Variants in CHST9 observed in about 807,000 individuals in gnomAD.
CHST9 encodes carbohydrate sulfotransferase 9.
In CHST9, 41 loss-of-function variants were observed where a neutral mutation model predicts 44.4. The observed-to-expected ratio is 0.92, with a 90% CI of 0.72 to 1.20. The LOEUF is 1.20. Ranked by LOEUF, CHST9 falls within the 50% of genes most tolerant of loss-of-function variation. The pLI, the probability that CHST9 is intolerant of heterozygous loss-of-function variation, is 0.00. For missense variants in CHST9, 504 were observed against 516.5 expected (o/e 0.98, Z 0.23); for synonymous variants, 171 against 178.4 (o/e 0.96, Z 0.33).
intron 1 of CHST9, among the ~76,000 whole-genome samples, chr18:27,156,166 A>T (rs1695065341): frequency 6.6e-6 from 1 of 151,844 alleles, no homozygotes; most frequent in South Asian, 2.1e-4. Flanking sequence ...TGGCCAAAAA[A>T]AAAAACAGTG....
intron 2 of CHST9, among the ~76,000 whole-genome samples, chr18:27,110,700 C>A (rs2058263683): frequency 1.3e-5 from 2 of 152,164 alleles, no homozygotes; most frequent in South Asian, 4.1e-4. Context: ...AGCAGACATC[C>A]CCTCATGCTT....
At chr18:27,076,283 A>C (rs2057902656) in intron 2 of CHST9, among the ~76,000 whole-genome samples, 1 of 152,196 alleles carries the variant, frequency 6.6e-6, no homozygotes, top group Non-Finnish European at 1.5e-5. Context: ...AAGCAGTAGC[A>C]GTAACTCTAT....
Position 26,944,283 on chromosome 18 carries a change from T to A in CHST9, c.240+46A>T, listed in dbSNP as rs755286668. On this transcript the variant is annotated intron_variant, in intron 5 of 5. Transcript: ENST00000618847. ...TTATATTTACACATGTTTATTAACA[T>A]TGAAACAAAATTCTATATTAGAGTT... 11 of 1,465,030 alleles carry A rather than the reference T, an allele frequency of 7.5e-6. No individual in the cohort carries two copies. In the African/African-American group the frequency reaches 1.1e-4, roughly 15 times the overall value. The allele number at this position is 1,465,030 out of a possible 1,614,324, so 90.8% of individuals were successfully genotyped here.
chr18:27,120,834 G>C (rs2058368293), intron 2 of CHST9, among the ~76,000 whole-genome samples: 1 of 152,144 alleles, frequency 6.6e-6, no homozygotes, highest in Admixed American at 6.5e-5. Context: ...AGTTCTAAAG[G>C]CCTTAGGAAC....
At chr18:27,057,673 G>A (rs976298198) in intron 2 of CHST9, among the ~76,000 whole-genome samples, 1 of 152,196 alleles carries the variant, frequency 6.6e-6, no homozygotes, top group African/African-American at 2.4e-5. Context: ...GAAACATATC[G>A]ATACAGATAG....
intron 5 of CHST9, among the ~76,000 whole-genome samples, chr18:26,923,954 C>T (rs438815): frequency 5.5e-4 from 83 of 152,168 alleles, no homozygotes; most frequent in African/African-American, 1.9e-3. Flanking sequence ...ATCCTGACAT[C>T]GAGTCTGCTT....
At chr18:27,090,859 T>C (rs1481957461) in intron 2 of CHST9, among the ~76,000 whole-genome samples, 1 of 152,218 alleles carries the variant, frequency 6.6e-6, no homozygotes, top group Non-Finnish European at 1.5e-5. Context: ...TCTTGTATTA[T>C]AGTTTGAAGT....
chr18:27,026,997 T>G (rs1264875421), intron 3 of CHST9, among the ~76,000 whole-genome samples: 1 of 152,228 alleles, frequency 6.6e-6, no homozygotes. Context: ...TGAATAGGTC[T>G]AGAGCTTTGA....
chr18:27,060,186 C>T (rs1428964322), intron 2 of CHST9, among the ~76,000 whole-genome samples: 1 of 152,094 alleles, frequency 6.6e-6, no homozygotes, highest in Non-Finnish European at 1.5e-5. Flanking sequence ...AAAAAGTAAA[C>T]AAGAAATTCA....
rs572496193 is a variant in CHST9, at chr18:27,079,175, G to A, written c.122-30672C>T. ...ATTGTCCACCAATATTTACTAAAAG[G>A]GATTATGGACTTTCTTCTTTGAAAA... On this transcript the variant is annotated intron_variant, in intron 2 of 5. Coordinates refer to ENST00000618847, the MANE Select transcript of CHST9 (RefSeq NM_031422.6). Among the ~76,000 whole-genome samples, 32 of 152,184 alleles carry A rather than the reference G, an allele frequency of 2.1e-4. No homozygotes were observed. In the Middle Eastern group the frequency reaches 0.02, roughly 97 times the overall value.
intron 2 of CHST9, among the ~76,000 whole-genome samples, chr18:27,106,010 GC>G (rs766536607): frequency 1.3e-5 from 2 of 152,190 alleles, no homozygotes; most frequent in East Asian, 3.9e-4. Context: ...TTCTGGAAAG[GC>G]AGGCTATTTT....
chr18:26,941,068 G>T (rs2056075390), intron 5 of CHST9, among the ~76,000 whole-genome samples: 1 of 152,180 alleles, frequency 6.6e-6, no homozygotes, highest in Non-Finnish European at 1.5e-5. Context: ...CCCGTATTTT[G>T]TATGTGAGAC....
At chr18:27,178,034 T>C (rs777658178) in intron 1 of CHST9, among the ~76,000 whole-genome samples, 2 of 151,970 alleles carry the variant, frequency 1.3e-5, no homozygotes, top group Non-Finnish European at 2.9e-5. Context: ...GCATTAGAAA[T>C]TGTAACAAAA....
Position 26,954,241 on chromosome 18 carries a change from C to T in CHST9, c.203-9875G>A, listed in dbSNP as rs186243658. ...CTATTGCTTATGAAAAGGCACAGGACGAGGAAATAGCTCAAGGGGCCAATG... is the reference window on the plus strand; with the variant it reads ...CTATTGCTTATGAAAAGGCACAGGATGAGGAAATAGCTCAAGGGGCCAATG... On this transcript the variant is annotated intron_variant, in intron 4 of 5. Coordinates refer to ENST00000618847, the MANE Select transcript of CHST9 (RefSeq NM_031422.6). Among the ~76,000 whole-genome samples the T allele has an allele frequency of 1.4e-3, 219 of 152,128 alleles. 1 individual carries two copies. Among genetic ancestry groups the T allele is most frequent in the Admixed American group, 2.9e-3 (44 of 15,278 alleles).
intron 1 of CHST9, among the ~76,000 whole-genome samples, chr18:27,148,747 A>G (rs995430962): frequency 1.5e-5 from 2 of 135,178 alleles, no homozygotes; most frequent in East Asian, 5.1e-4. Context: ...TAGCAGCATG[A>G]TTTATAATCC....
At chr18:27,058,406 T>C (rs1303442946) in intron 2 of CHST9, among the ~76,000 whole-genome samples, 1 of 152,218 alleles carries the variant, frequency 6.6e-6, no homozygotes, top group Non-Finnish European at 1.5e-5. Context: ...CATTAAGAGT[T>C]AGAGTTTAAT....
intron 1 of CHST9, among the ~76,000 whole-genome samples, chr18:27,143,596 T>G (rs989845376): frequency 7.4e-6 from 1 of 135,500 alleles, no homozygotes; most frequent in African/African-American, 2.5e-5. Context: ...AACCTTTTAT[T>G]TTTTTTAAAA....
chr18:26,931,627 C>G (rs535732809), intron 5 of CHST9, among the ~76,000 whole-genome samples: 1 of 152,144 alleles, frequency 6.6e-6, no homozygotes, highest in Non-Finnish European at 1.5e-5. Flanking sequence ...TTTATTTCAA[C>G]GGGCAAGGAA....
intron 1 of CHST9, among the ~76,000 whole-genome samples, chr18:27,160,896 G>A (rs533794945): frequency 6.6e-5 from 10 of 152,238 alleles, no homozygotes; most frequent in Non-Finnish European, 1.2e-4. Context: ...GTTTATTTGC[G>A]TGGAGGTGTT....
Sources: allele counts gnomAD v4.1 joint callset (sites outside exome capture counted in the v4.1 genomes callset), GRCh38; gene constraint gnomAD v4.1.1; transcripts MANE v1.5; gene names NCBI Gene and HGNC (gene_info 2026-07-23, HGNC 2026-07-21).